The following ZDHHC14 variants were observed in gnomAD, a reference collection of about 807,000 sequenced individuals.
ZDHHC14 encodes palmitoyltransferase ZDHHC14.
Under a neutral mutation model 47.7 loss-of-function variants are expected in ZDHHC14, and 16 were observed. That is an observed-to-expected ratio of 0.34 (90% CI 0.23 to 0.51). The LOEUF (loss-of-function observed/expected upper bound fraction) is 0.51, where lower values mean the gene tolerates loss of function less well. Ranked by LOEUF, ZDHHC14 falls within the 20% of genes least tolerant of loss-of-function variation. The probability of loss-of-function intolerance (pLI) is 0.97; values close to 1 mark genes in which losing one functional copy is unlikely to be tolerated. For missense variants in ZDHHC14, 515 were observed against 662.5 expected, an observed-to-expected ratio of 0.78 and a Z score of 2.44; for synonymous variants, 293 against 278.9, an observed-to-expected ratio of 1.05 and a Z score of -0.50.
chr6:157,533,303 T>C (rs1781429686), intron 1 of ZDHHC14, among the ~76,000 whole-genome samples: 2 of 152,094 alleles, frequency 1.3e-5, no homozygotes, highest in Non-Finnish European at 2.9e-5. Context: ...GAAGTATATA[T>C]ATTAACAGTG....
chr6:157,645,678 C>G (rs565665683), intron 5 of ZDHHC14, 59 bp from the exon 6 acceptor site: 1 of 1,415,034 alleles, frequency 7.1e-7, no homozygotes, highest in African/African-American at 1.4e-5. Flanking sequence ...TCCAGGCCTC[C>G]ATCACATCCA....
At chr6:157,588,861 C>T (rs1783796371) in intron 2 of ZDHHC14, among the ~76,000 whole-genome samples, 1 of 151,984 alleles carries the variant, frequency 6.6e-6, no homozygotes. Flanking sequence ...AATGCAGATT[C>T]CCATTCCATA....
At chr6:157,590,897 G>A (rs1349779952) in intron 2 of ZDHHC14, among the ~76,000 whole-genome samples, 1 of 152,248 alleles carries the variant, frequency 6.6e-6, no homozygotes, top group East Asian at 1.9e-4. Context: ...CAAGGCTGTG[G>A]GAGCCTTACC....
intron 3 of ZDHHC14, among the ~76,000 whole-genome samples, chr6:157,620,798 A>G (rs778545850): frequency 1.3e-5 from 2 of 152,118 alleles, no homozygotes; most frequent in Non-Finnish European, 2.9e-5. Flanking sequence ...TGGCACAGCA[A>G]CCAGCAGAGA....
chr6:157,626,239 G>T (rs1214511593), intron 3 of ZDHHC14, among the ~76,000 whole-genome samples: 2 of 152,180 alleles, frequency 1.3e-5, no homozygotes, highest in Admixed American at 6.5e-5. Context: ...GGGATTGAGA[G>T]ATCAGCTTTC....
chr6:157,445,743 G>T (rs1308650652), intron 1 of ZDHHC14, among the ~76,000 whole-genome samples: 1 of 152,154 alleles, frequency 6.6e-6, no homozygotes, highest in African/African-American at 2.4e-5. Context: ...AAAAATAACT[G>T]AGGCAAGATG....
rs113032923 is a variant in ZDHHC14, at chr6:157,477,262, C to A, written c.246-65323C>A. On this transcript the variant is annotated intron_variant, in intron 1 of 8. Transcript: ENST00000359775. The stretch of plus-strand genomic sequence containing the variant: ...GGGCGTGGTGGTGTGCACCTGTAAT[C>A]GCAGCTACTCGAGAGGCAGAGGCAG... 3.0e-3 allele frequency among the ~76,000 whole-genome samples: 461 copies of A among 152,212 alleles called. 2 individuals carry two copies. Among genetic ancestry groups the A allele is most frequent in the African/African-American group, 0.011 (452 of 41,532 alleles).
Position 157,422,234 on chromosome 6 carries a change from G to C in ZDHHC14, c.245+39968G>C, listed in dbSNP as rs140818470. 4.2e-3 allele frequency among the ~76,000 whole-genome samples: 645 copies of C among 152,290 alleles called. 6 individuals carry two copies. The highest frequency in any genetic ancestry group is 0.015 in the African/African-American group (615 of 41,540). On this transcript the variant is annotated intron_variant, in intron 1 of 8. Transcript: ENST00000359775. ...ACAGTAACACAGAAAGGTGGATTGA[G>C]GGTGGGATGTCAGAAAACTCTCTGT...
chr6:157,463,295 A>G lies in ZDHHC14; in HGVS notation c.246-79290A>G, dbSNP rs1021434018. Among the ~76,000 whole-genome samples the G allele has an allele frequency of 1.3e-5, 2 of 152,260 alleles. No individual in the cohort carries two copies. The highest frequency in any genetic ancestry group is 2.9e-5 in the Non-Finnish European group (2 of 68,050). ...TGAAATTGGTTTTTCAATAGAAACA[A>G]TTGAATAGTCCAGATTCATTATTTT... On this transcript the variant is annotated intron_variant, in intron 1 of 8. Coordinates refer to ENST00000359775, the MANE Select transcript of ZDHHC14 (RefSeq NM_024630.3). This position sits in a 1 kb window ranked among gnomAD's most constrained non-coding sequence, Gnocchi z 4.4.
chr6:157,428,269 C>T (rs938567316), intron 1 of ZDHHC14, among the ~76,000 whole-genome samples: 5 of 152,124 alleles, frequency 3.3e-5, no homozygotes, highest in African/African-American at 9.7e-5. Context: ...TCCCACCCTC[C>T]GGTGCCCCGA....
chr6:157,626,759 G>A (rs1785438900), intron 3 of ZDHHC14, among the ~76,000 whole-genome samples: 2 of 147,110 alleles, frequency 1.4e-5, no homozygotes. Context: ...TGGATTGCAT[G>A]TTTCTGTCAT....
intron 2 of ZDHHC14, among the ~76,000 whole-genome samples, chr6:157,571,032 C>T (rs1454089334): frequency 6.6e-6 from 1 of 152,176 alleles, no homozygotes; most frequent in Admixed American, 6.5e-5. Flanking sequence ...ATCAAAGAAT[C>T]ATACTCTTTA....
chr6:157,660,523 C>A (rs547342044), intron 8 of ZDHHC14, among the ~76,000 whole-genome samples: 2 of 152,298 alleles, frequency 1.3e-5, no homozygotes, highest in African/African-American at 4.8e-5. Context: ...GTCATATTTC[C>A]ATCTGAAAAG....
Position 157,381,915 on chromosome 6 carries a change from C to G in ZDHHC14, c.-107C>G. ...GGAGCCCGTGTAGGGGCCGCGGCGC[C>G]GCGGCTCGGGGGGCGGCCGGGCGGC... On this transcript the variant is annotated 5_prime_UTR_variant, in exon 1 of 9. Coordinates refer to ENST00000359775, the MANE Select transcript of ZDHHC14 (RefSeq NM_024630.3). 1.1e-6 allele frequency: 1 copy of G among 947,550 alleles called. No individual in the cohort carries two copies. The highest frequency in any genetic ancestry group is 1.2e-6 in the Non-Finnish European group (1 of 800,280). 58.7% of individuals were successfully genotyped at this position (947,550 alleles called of 1,614,324 possible). A position where few individuals can be genotyped will look rare whatever the true frequency, so the allele number is the denominator to read the frequency against.
chr6:157,452,242 T>C (rs1778819645), intron 1 of ZDHHC14, among the ~76,000 whole-genome samples: 1 of 82,240 alleles, frequency 1.2e-5, no homozygotes, highest in Non-Finnish European at 2.8e-5. Context: ...CTAAAGTACC[T>C]AGTATTTTTT....
At chr6:157,525,477 G>A (rs1781122758) in intron 1 of ZDHHC14, among the ~76,000 whole-genome samples, 1 of 152,174 alleles carries the variant, frequency 6.6e-6, no homozygotes, top group Non-Finnish European at 1.5e-5. Flanking sequence ...CCATTGGGCT[G>A]TTTACAGCAT....
At chr6:157,607,099 C>T (rs34518271) in intron 3 of ZDHHC14, among the ~76,000 whole-genome samples, 111,009 of 152,110 alleles carry the variant, frequency 0.73, 40,810 homozygotes, top group South Asian at 0.82. Context: ...TTAGAAACAT[C>T]GTCTTTATTA....
intron 1 of ZDHHC14, among the ~76,000 whole-genome samples, chr6:157,460,405 GAAA>G (rs1164382844): frequency 8.3e-4 from 36 of 43,374 alleles, no homozygotes; most frequent in African/African-American, 2.7e-3. Context: ...TCTCTCTCTG[GAAA>G]AAAAAAAAAA....
intron 3 of ZDHHC14, 89 bp downstream of exon 3, chr6:157,593,235 T>A: frequency 6.9e-7 from 1 of 1,441,404 alleles, no homozygotes; most frequent in Non-Finnish European, 9.4e-7. Context: ...GAACACTCAG[T>A]AATGGTTAAT....
Sources: gnomAD v4.1 joint callset for allele counts (sites outside exome capture counted in the v4.1 genomes callset) on GRCh38, gnomAD v4.1.1 for gene constraint, Gnocchi (gnomAD v3.1) non-coding constraint, MANE v1.5 for transcripts, NCBI Gene and HGNC (gene_info 2026-07-23, HGNC 2026-07-21) for gene names.